Variants in SH3GL2 observed in about 807,000 individuals in gnomAD.
SH3GL2 encodes SH3 domain containing GRB2 like 2, endophilin A1.
In SH3GL2, 24 loss-of-function variants were observed where a neutral mutation model predicts 46.0. The observed-to-expected ratio is 0.52, with a 90% CI of 0.38 to 0.73. The LOEUF is 0.73. Ranked by LOEUF, SH3GL2 falls within the 30% of genes least tolerant of loss-of-function variation. The probability of loss-of-function intolerance (pLI) is 0.00; values close to 1 mark genes in which losing one functional copy is unlikely to be tolerated. For missense variants in SH3GL2, 413 were observed against 424.2 expected, an observed-to-expected ratio of 0.97 and a Z score of 0.23; for synonymous variants, 196 against 147.1, an observed-to-expected ratio of 1.33 and a Z score of -2.40.
At chr9:17,748,962 C>T (rs2383046) in intron 2 of SH3GL2, among the ~76,000 whole-genome samples, 109,699 of 152,126 alleles carry the variant, frequency 0.72, 39,947 homozygotes, top group East Asian at 0.83. Flanking sequence ...AGGCAGGGTC[C>T]TGTGAAATCA....
intron 1 of SH3GL2, among the ~76,000 whole-genome samples, chr9:17,705,988 A>T (rs1038670852): frequency 3.3e-5 from 5 of 152,084 alleles, no homozygotes; most frequent in African/African-American, 1.2e-4. Context: ...TTTGTTTTAA[A>T]AAATGTTTAA....
chr9:17,711,812 T>C (rs1021311641), intron 1 of SH3GL2, among the ~76,000 whole-genome samples: 3 of 151,860 alleles, frequency 2.0e-5, no homozygotes, highest in Non-Finnish European at 2.9e-5. Flanking sequence ...GGATGTATGT[T>C]TTCTTTAGGG....
At chr9:17,597,508 C>G (rs917427999) in intron 1 of SH3GL2, among the ~76,000 whole-genome samples, 40 of 149,656 alleles carry the variant, frequency 2.7e-4, no homozygotes, top group African/African-American at 9.9e-4. Flanking sequence ...CAGAGTGATA[C>G]TCAGTCTCAA....
chr9:17,601,484 C>G (rs1255356356), intron 1 of SH3GL2, among the ~76,000 whole-genome samples: 1 of 152,142 alleles, frequency 6.6e-6, no homozygotes, highest in African/African-American at 2.4e-5. Context: ...GTTTGGTTCT[C>G]TGGATTCATA....
rs930823422 is a variant in SH3GL2, at chr9:17,724,976, A to G, written c.46-22090A>G. ...TTATACTTTTGTCCTGAGTTCCACAAGGCTCTAGTAGATAAGTGGTTCTTT... is the reference window on the plus strand; with the variant it reads ...TTATACTTTTGTCCTGAGTTCCACAGGGCTCTAGTAGATAAGTGGTTCTTT... On this transcript the variant is annotated intron_variant, in intron 1 of 8. Transcript: ENST00000380607. Among the ~76,000 whole-genome samples the G allele has an allele frequency of 5.3e-5, 8 of 152,114 alleles. 1 individual carries two copies. The East Asian group carries it at 1.2e-3, about 22-fold the overall frequency.
chr9:17,648,894 A>G (rs1819889510), intron 1 of SH3GL2, among the ~76,000 whole-genome samples: 1 of 152,238 alleles, frequency 6.6e-6, no homozygotes, highest in Admixed American at 6.5e-5. Flanking sequence ...TACTCATCAT[A>G]TCAATCATTT....
At chr9:17,621,456 T>C (rs1339679191) in intron 1 of SH3GL2, among the ~76,000 whole-genome samples, 1 of 152,230 alleles carries the variant, frequency 6.6e-6, no homozygotes, top group Admixed American at 6.5e-5. Context: ...TTGTAACATA[T>C]CCCATGATCA....
chr9:17,728,967 T>A (rs759980002), intron 1 of SH3GL2, among the ~76,000 whole-genome samples: 3 of 152,222 alleles, frequency 2.0e-5, no homozygotes, highest in Non-Finnish European at 2.9e-5. Context: ...GTAGAATGAT[T>A]TATAATACTT....
At chr9:17,676,763 C>A (rs1820621364) in intron 1 of SH3GL2, among the ~76,000 whole-genome samples, 2 of 152,230 alleles carry the variant, frequency 1.3e-5, no homozygotes, top group African/African-American at 2.4e-5. Context: ...CTGGCACCAT[C>A]TTCACTGATG....
intron 1 of SH3GL2, chr9:17,735,835 C>T (rs533040904): frequency 1.0e-4 from 54 of 529,826 alleles, no homozygotes; most frequent in South Asian, 2.4e-4. Flanking sequence ...GATTCAGGGA[C>T]ATTACTCTGC....
At chr9:17,791,423 G>A in intron 7 of SH3GL2, 89 bp downstream of exon 7, 1 of 973,472 alleles carries the variant, frequency 1.0e-6, no homozygotes, top group South Asian at 1.4e-5. Flanking sequence ...TACATTTGGA[G>A]ACAAACGTCT....
chr9:17,660,665 A>G (rs1172280731), intron 1 of SH3GL2, among the ~76,000 whole-genome samples: 1 of 152,148 alleles, frequency 6.6e-6, no homozygotes, highest in Non-Finnish European at 1.5e-5. Flanking sequence ...TAATTCCTCC[A>G]TTGCTCAGTG....
chr9:17,708,752 G>A (rs1821540872), intron 1 of SH3GL2, among the ~76,000 whole-genome samples: 2 of 151,826 alleles, frequency 1.3e-5, no homozygotes, highest in African/African-American at 4.8e-5. Context: ...CTATTTAAAG[G>A]CTGTTTGCAT....
At chr9:17,622,112 G>C (rs1029379897) in intron 1 of SH3GL2, among the ~76,000 whole-genome samples, 12 of 152,064 alleles carry the variant, frequency 7.9e-5, no homozygotes, top group African/African-American at 2.9e-4. Context: ...GGAAATTTCT[G>C]CATTCATAAA....
intron 1 of SH3GL2, among the ~76,000 whole-genome samples, chr9:17,612,382 C>G (rs1043348129): frequency 6.6e-6 from 1 of 152,128 alleles, no homozygotes; most frequent in African/African-American, 2.4e-5. Flanking sequence ...TTAACCTTAC[C>G]ACATCTGGAA....
At chr9:17,592,129 G>A (rs963929601) in intron 1 of SH3GL2, among the ~76,000 whole-genome samples, 3 of 152,160 alleles carry the variant, frequency 2.0e-5, no homozygotes, top group South Asian at 4.1e-4. Flanking sequence ...GAGGCCCCGG[G>A]GAGCTGCTGG....
At chr9:17,716,754 A>T (rs1034194168) in intron 1 of SH3GL2, among the ~76,000 whole-genome samples, 1 of 152,126 alleles carries the variant, frequency 6.6e-6, no homozygotes, top group East Asian at 1.9e-4. Flanking sequence ...TCAGATTCTG[A>T]TCTCTCTTCA....
chr9:17,737,593 C>T (rs1258094970), intron 1 of SH3GL2, among the ~76,000 whole-genome samples: 1 of 152,104 alleles, frequency 6.6e-6, no homozygotes, highest in Non-Finnish European at 1.5e-5. Context: ...TACCTCCTTG[C>T]CCGTCCTCTG....
At chr9:17,742,580 A>G (rs1412807769) in intron 1 of SH3GL2, among the ~76,000 whole-genome samples, 2 of 152,170 alleles carry the variant, frequency 1.3e-5, no homozygotes, top group African/African-American at 4.8e-5. Flanking sequence ...GATTTATGCT[A>G]CCTCTAAGTC....
Sources: gnomAD v4.1 joint callset for allele counts (sites outside exome capture counted in the v4.1 genomes callset) on GRCh38, gnomAD v4.1.1 for gene constraint, MANE v1.5 for transcripts, NCBI Gene and HGNC (gene_info 2026-07-23, HGNC 2026-07-21) for gene names.